The following PRMT3 variants were observed in gnomAD, a reference collection of about 807,000 sequenced individuals.
PRMT3 encodes the protein protein arginine N-methyltransferase 3.
A neutral mutation model predicts 71.9 loss-of-function variants in PRMT3; 62 were observed. The observed-to-expected ratio is 0.86, with a 90% confidence interval of 0.70 to 1.07. The LOEUF is 1.07. Among genes scored for constraint, PRMT3 ranks in the 50% least tolerant of loss-of-function variants. The pLI, the probability that PRMT3 is intolerant of heterozygous loss-of-function variation, is 0.00. For synonymous variants in PRMT3, 213 were observed against 220.4 expected, an observed-to-expected ratio of 0.97 and a Z score of 0.30; for missense variants, 663 against 643.0, an observed-to-expected ratio of 1.03 and a Z score of -0.34.
At chr11:20,476,765 C>A (rs907787844) in intron 13 of PRMT3, among the ~76,000 whole-genome samples, 1 of 143,674 alleles carries the variant, frequency 7.0e-6, no homozygotes, top group African/African-American at 2.6e-5. Context: ...GTTTTTTTAT[C>A]TCTTTAACCA....
At chr11:20,444,347 G>T (rs61876967) in intron 10 of PRMT3, among the ~76,000 whole-genome samples, 1 of 151,984 alleles carries the variant, frequency 6.6e-6, no homozygotes, top group Non-Finnish European at 1.5e-5. Flanking sequence ...TCTTCTAGGC[G>T]GGATAAAGCA....
rs1848668311 is a variant in PRMT3, at chr11:20,389,612, G to GT, written c.165-126dup. ...CTTCCTTTCAGATACAAGTGTGTTT[G>GT]TTTTTTCTTAATTGGAAGTAAAACT... On this transcript the variant is annotated intron_variant, in intron 2 of 15. Coordinates refer to ENST00000331079, the MANE Select transcript of PRMT3 (RefSeq NM_005788.4). 3 of 559,500 alleles carry GT rather than the reference G, an allele frequency of 5.4e-6. No homozygotes were observed. In the South Asian group the frequency reaches 8.9e-5, roughly 17 times the overall value. The allele number at this position is 559,500 out of a possible 1,614,324, so 34.7% of individuals were successfully genotyped here.
chr11:20,405,520 C>G (rs887597621), intron 8 of PRMT3: 1 of 152,096 alleles, frequency 6.6e-6, no homozygotes, highest in African/African-American at 2.4e-5. Context: ...AATGCAGGCC[C>G]TACAATTTAC....
Position 20,493,941 on chromosome 11 carries a change from T to A in PRMT3, c.1370T>A (p.Ile457Lys). ...MCTAIAGYFDIYFEKNCHNRV... is the reference protein window; with the variant it reads ...MCTAIAGYFDKYFEKNCHNRV... ...CAGGCAATTGCTGGCTACTTTGATATATATTTTGAGAAGAATTGCCACAAC... is the reference window on the plus strand; with the variant it reads ...CAGGCAATTGCTGGCTACTTTGATAAATATTTTGAGAAGAATTGCCACAAC... Residue 457 changes from isoleucine to lysine, a missense_variant, in exon 14 of 16, where the codon ATA becomes AAA. By Grantham distance (102) the Ile-to-Lys change is moderately radical. Transcript: ENST00000331079. 1 of 1,590,074 alleles carries A rather than the reference T, an allele frequency of 6.3e-7. No homozygotes were observed. The highest frequency in any genetic ancestry group is 8.6e-7 in the Non-Finnish European group (1 of 1,163,228).
intron 3 of PRMT3, 24 bp from the exon 4 acceptor site, chr11:20,392,187 T>G (rs1377756434): frequency 1.3e-6 from 2 of 1,567,462 alleles, no homozygotes; most frequent in Admixed American, 3.6e-5. Context: ...TTAACATAGG[T>G]GAATTATCTT....
chr11:20,388,011 T>G lies in PRMT3; in HGVS notation c.29-8T>G. 1 of 1,613,738 alleles carries G rather than the reference T, an allele frequency of 6.2e-7. No homozygotes were observed. The highest frequency in any genetic ancestry group is 2.2e-5 in the East Asian group (1 of 44,860). ...GAGGCCGATCTGATTGTTGTGTGTG[T>G]GTGTTAGGCGGCCGGGGCGCTGTGG... is the stretch of plus-strand genomic sequence containing the variant. On this transcript the variant is annotated splice_polypyrimidine_tract_variant and splice_region_variant and intron_variant, in intron 1 of 15. Transcript: ENST00000331079.
rs141004037 is a variant in PRMT3 at position 20,433,614 on chromosome 11, G to A, written c.993+6749G>A. The stretch of plus-strand genomic sequence containing the variant: ...AATTGTTGGGTCACAAGGTAGTTCT[G>A]TTTTGTTTTGTTTTTGTTTTTTTTA... On this transcript the variant is annotated intron_variant, in intron 10 of 15. Transcript: ENST00000331079. Among the ~76,000 whole-genome samples, 157 of 151,928 alleles carry A rather than the reference G, an allele frequency of 1.0e-3. 1 individual carries two copies. The highest frequency in any genetic ancestry group is 3.4e-3 in the Middle Eastern group (1 of 294).
intron 9 of PRMT3, among the ~76,000 whole-genome samples, chr11:20,414,772 T>A (rs999992904): frequency 1.3e-5 from 2 of 152,156 alleles, no homozygotes; most frequent in African/African-American, 4.8e-5. Flanking sequence ...CAATCTTTTA[T>A]ATTGCCTGTG....
chr11:20,507,717 T>G (rs1200837261), intron 15 of PRMT3, among the ~76,000 whole-genome samples: 1 of 151,634 alleles, frequency 6.6e-6, no homozygotes, highest in East Asian at 1.9e-4. Context: ...GAGGCAGAGG[T>G]TGCAGTCAAC....
rs1278180500 is a variant in PRMT3 at position 20,387,849 on chromosome 11, T to C, written c.28+75T>C. 6.5e-7 allele frequency: 1 copy of C among 1,535,104 alleles called. No individual in the cohort carries two copies. Among genetic ancestry groups the C allele is most frequent in the Non-Finnish European group, 8.8e-7 (1 of 1,141,342 alleles). ...CCGCTGTGGGGCCGGTGGAAGACCC[T>C]CCGGGACACGGGCCCGGGCAGGGTG... On this transcript the variant is annotated intron_variant, in intron 1 of 15. Coordinates refer to ENST00000331079, the MANE Select transcript of PRMT3 (RefSeq NM_005788.4). The surrounding 1 kb of genome is among the most constrained non-coding windows in gnomAD (Gnocchi z 4.3).
At position 20,387,880 on chromosome 11, in the gene PRMT3, C is replaced by T; in HGVS notation, c.28+106C>T. The T allele has an allele frequency of 6.5e-7, 1 of 1,535,136 alleles. No homozygotes were observed. The highest frequency in any genetic ancestry group is 8.8e-7 in the Non-Finnish European group (1 of 1,139,124). Reference sequence around the variant, plus strand: ...ACACGGGCCCGGGCAGGGTGGGGGGCTCGCAGGGATCATGAAGGAGGTGCT... The same window carrying T: ...ACACGGGCCCGGGCAGGGTGGGGGGTTCGCAGGGATCATGAAGGAGGTGCT... On this transcript the variant is annotated intron_variant, in intron 1 of 15. Transcript: ENST00000331079. This position sits in a 1 kb window ranked among gnomAD's most constrained non-coding sequence, Gnocchi z 4.3.
intron 15 of PRMT3, among the ~76,000 whole-genome samples, chr11:20,505,215 T>C (rs1262561483): frequency 6.6e-6 from 1 of 152,192 alleles, no homozygotes; most frequent in Non-Finnish European, 1.5e-5. Context: ...CCAGGTAGTA[T>C]GCAAATGAAA....
chr11:20,403,132 A>G (rs962862054), intron 8 of PRMT3, 148 bp downstream of exon 8: 4 of 598,390 alleles, frequency 6.7e-6, no homozygotes, highest in African/African-American at 5.6e-5. Flanking sequence ...TCTGTGGTGC[A>G]GAGTACCAAT....
chr11:20,404,487 C>T (rs771233858), intron 8 of PRMT3, among the ~76,000 whole-genome samples: 4 of 152,050 alleles, frequency 2.6e-5, no homozygotes, highest in East Asian at 3.9e-4. Flanking sequence ...CCGCCTCGGC[C>T]TCCCAAAGTG....
intron 9 of PRMT3, among the ~76,000 whole-genome samples, chr11:20,416,528 T>C (rs537723318): frequency 2.0e-5 from 3 of 152,192 alleles, no homozygotes; most frequent in Non-Finnish European, 4.4e-5. Context: ...TAAGTACTTA[T>C]TCAATGAATG....
At chr11:20,404,390 C>T (rs1210626660) in intron 8 of PRMT3, among the ~76,000 whole-genome samples, 4 of 151,620 alleles carry the variant, frequency 2.6e-5, no homozygotes, top group African/African-American at 4.8e-5. Context: ...CGTGCCACCA[C>T]GCCCAGCTAA....
intron 10 of PRMT3, among the ~76,000 whole-genome samples, chr11:20,436,339 T>G (rs1354837564): frequency 6.6e-6 from 1 of 152,234 alleles, no homozygotes; most frequent in Non-Finnish European, 1.5e-5. Context: ...ATAAAAGTGG[T>G]GAAAGTGGAC....
intron 2 of PRMT3, 151 bp downstream of exon 2, chr11:20,388,305 G>A: frequency 8.3e-7 from 1 of 1,197,642 alleles, no homozygotes. Context: ...TTGTGGAGAA[G>A]GAGGACCCTC....
At chr11:20,409,248 C>T (rs1380065273) in intron 9 of PRMT3, among the ~76,000 whole-genome samples, 1 of 152,056 alleles carries the variant, frequency 6.6e-6, no homozygotes, top group African/African-American at 2.4e-5. Flanking sequence ...TTGAATCAAG[C>T]TTGGGATGTA....
Sources: allele counts gnomAD v4.1 joint callset (sites outside exome capture counted in the v4.1 genomes callset), GRCh38; gene constraint gnomAD v4.1.1; non-coding constraint Gnocchi (gnomAD v3.1); transcripts MANE v1.5; gene names NCBI Gene and HGNC (gene_info 2026-07-23, HGNC 2026-07-21).